Variants in SDC2 observed in about 807,000 individuals in gnomAD.
The protein encoded by SDC2 is syndecan 2, also known as syndecan-2.
A neutral mutation model predicts 22.2 loss-of-function variants in SDC2; 13 were observed. The observed-to-expected ratio is 0.59, with a 90% CI of 0.38 to 0.93. The LOEUF (loss-of-function observed/expected upper bound fraction) is 0.93, where lower values mean the gene tolerates loss of function less well. Ranked by LOEUF, SDC2 falls within the 40% of genes least tolerant of loss-of-function variation. SDC2 has a pLI of 0.00. For missense variants in SDC2, 235 were observed against 246.8 expected, an observed-to-expected ratio of 0.95 and a Z score of 0.32; for synonymous variants, 94 against 92.8, an observed-to-expected ratio of 1.01 and a Z score of -0.07.
At chr8:96,531,153 A>G (rs1813654853) in intron 1 of SDC2, among the ~76,000 whole-genome samples, 1 of 152,218 alleles carries the variant, frequency 6.6e-6, no homozygotes, top group South Asian at 2.1e-4. Flanking sequence ...ACACATCTGC[A>G]TTTACATATC....
chr8:96,503,872 A>G (rs1164392853), intron 1 of SDC2, among the ~76,000 whole-genome samples: 1 of 152,244 alleles, frequency 6.6e-6, no homozygotes, highest in East Asian at 1.9e-4. Flanking sequence ...GCATCACTCT[A>G]TGTCAAAACC....
chr8:96,556,714 G>A (rs1197983998), intron 1 of SDC2, among the ~76,000 whole-genome samples: 2 of 152,068 alleles, frequency 1.3e-5, no homozygotes, highest in African/African-American at 2.4e-5. Context: ...ATAGGCATGG[G>A]CAAGGACTTC....
chr8:96,579,801 G>A (rs1045546151), intron 1 of SDC2, among the ~76,000 whole-genome samples: 7 of 152,156 alleles, frequency 4.6e-5, no homozygotes, highest in African/African-American at 1.4e-4. Flanking sequence ...GCAGGATAAC[G>A]TATGGCTTTC....
intron 2 of SDC2, among the ~76,000 whole-genome samples, chr8:96,599,694 A>G (rs911638507): frequency 1.3e-5 from 2 of 152,226 alleles, no homozygotes; most frequent in Non-Finnish European, 2.9e-5. Flanking sequence ...GCCTAAGAGT[A>G]CAGAGCTAAT....
intron 1 of SDC2, among the ~76,000 whole-genome samples, chr8:96,590,627 G>T (rs73275613): frequency 0.089 from 13,429 of 151,404 alleles, 680 homozygotes; most frequent in East Asian, 0.21. Context: ...GAGCGCAGGG[G>T]TTTTTTTTTA....
intron 2 of SDC2, among the ~76,000 whole-genome samples, chr8:96,594,628 T>C (rs188085404): frequency 1.4e-3 from 213 of 152,318 alleles, no homozygotes; most frequent in Non-Finnish European, 2.4e-3. Flanking sequence ...ACATTTACAA[T>C]CTACCATAAT....
intron 1 of SDC2, among the ~76,000 whole-genome samples, chr8:96,566,088 C>T (rs950915717): frequency 2.0e-5 from 3 of 152,196 alleles, no homozygotes; most frequent in African/African-American, 7.2e-5. Context: ...CACATGGGCA[C>T]AGTGAGCACT....
chr8:96,589,798 A>G (rs1026611874), intron 1 of SDC2, among the ~76,000 whole-genome samples: 1 of 152,238 alleles, frequency 6.6e-6, no homozygotes, highest in African/African-American at 2.4e-5. Context: ...GTTCAAGAAC[A>G]GTCCCTCTGC....
chr8:96,581,181 C>A (rs1270890894), intron 1 of SDC2, among the ~76,000 whole-genome samples: 1 of 152,124 alleles, frequency 6.6e-6, no homozygotes, highest in Non-Finnish European at 1.5e-5. Flanking sequence ...CAGCCTCATT[C>A]GGGGGCAAAA....
chr8:96,583,485 G>A (rs186121733), intron 1 of SDC2, among the ~76,000 whole-genome samples: 4 of 147,378 alleles, frequency 2.7e-5, no homozygotes, highest in African/African-American at 1.0e-4. Flanking sequence ...CTGAAAGCTG[G>A]TTCCAAGTCA....
chr8:96,523,641 A>G (rs1035136345), intron 1 of SDC2, among the ~76,000 whole-genome samples: 2 of 152,212 alleles, frequency 1.3e-5, no homozygotes, highest in Non-Finnish European at 2.9e-5. Context: ...CCTGGTAGGA[A>G]GAGGCGGAGA....
intron 1 of SDC2, among the ~76,000 whole-genome samples, chr8:96,591,432 T>G (rs1241839200): frequency 6.6e-6 from 1 of 152,134 alleles, no homozygotes. Flanking sequence ...GAAACCTCAG[T>G]CCAAGGCCAA....
At chr8:96,609,101 A>G (rs185226530) in intron 4 of SDC2, among the ~76,000 whole-genome samples, 203 of 152,350 alleles carry the variant, frequency 1.3e-3, no homozygotes, top group African/African-American at 4.6e-3. Context: ...TGAAAAGACA[A>G]AAGTAGTTTT....
rs1814191643 is a variant in SDC2, at chr8:96,560,524, T to G, written c.61-32956T>G. Among the ~76,000 whole-genome samples, 3 of 152,186 alleles carry G rather than the reference T, an allele frequency of 2.0e-5. No homozygotes were observed. In the South Asian group the frequency reaches 6.2e-4, roughly 31 times the overall value. On this transcript the variant is annotated intron_variant, in intron 1 of 4. Transcript: ENST00000302190. ...TGGTGGAACATAATAAAACACATAA[T>G]AAATGTTTGGATAGGAAAGGATGGA...
At chr8:96,569,613 G>GT (rs1430688341) in intron 1 of SDC2, among the ~76,000 whole-genome samples, 3 of 152,178 alleles carry the variant, frequency 2.0e-5, no homozygotes, top group African/African-American at 7.2e-5. Context: ...GGAGAGCCTT[G>GT]TAATAATACT....
intron 1 of SDC2, among the ~76,000 whole-genome samples, chr8:96,562,924 CT>C (rs372208719): frequency 2.7e-5 from 4 of 149,932 alleles, no homozygotes; most frequent in Admixed American, 6.7e-5. Flanking sequence ...GAGCTCCACT[CT>C]TTTTTTTTTC....
At chr8:96,504,436 A>G (rs1813209406) in intron 1 of SDC2, among the ~76,000 whole-genome samples, 1 of 152,198 alleles carries the variant, frequency 6.6e-6, no homozygotes, top group African/African-American at 2.4e-5. Flanking sequence ...TTAGAATCAG[A>G]TAAATTGGGG....
intron 1 of SDC2, among the ~76,000 whole-genome samples, chr8:96,540,311 G>A (rs1158270764): frequency 2.6e-5 from 3 of 115,508 alleles, no homozygotes; most frequent in Non-Finnish European, 4.0e-5. Context: ...GGGCAACATA[G>A]CAAAACCCTG....
At chr8:96,564,505 C>T (rs1563663450) in intron 1 of SDC2, among the ~76,000 whole-genome samples, 1 of 152,088 alleles carries the variant, frequency 6.6e-6, no homozygotes, top group Non-Finnish European at 1.5e-5. Context: ...CAGGCCTTGA[C>T]CGTAGAGTTG....
Sources: allele counts gnomAD v4.1 joint callset (sites outside exome capture counted in the v4.1 genomes callset), GRCh38; gene constraint gnomAD v4.1.1; transcripts MANE v1.5; gene names NCBI Gene and HGNC (gene_info 2026-07-23, HGNC 2026-07-21).